Variants in FGF2 observed in about 807,000 individuals in gnomAD.
FGF2 encodes the protein fibroblast growth factor 2.
Under a neutral mutation model 15.9 loss-of-function variants are expected in FGF2, and 13 were observed. The observed-to-expected ratio is 0.82, with a 90% CI of 0.53 to 1.30. The LOEUF is 1.30. Ranked by LOEUF, FGF2 falls within the 50% of genes most tolerant of loss-of-function variation. FGF2 has a pLI of 0.00. For missense variants in FGF2, 163 were observed against 196.9 expected, an observed-to-expected ratio of 0.83 and a Z score of 1.03; for synonymous variants, 90 against 78.4, an observed-to-expected ratio of 1.15 and a Z score of -0.78.
chr4:122,855,842 T>C (rs1017049976), intron 1 of FGF2, among the ~76,000 whole-genome samples: 7 of 152,240 alleles, frequency 4.6e-5, no homozygotes, highest in African/African-American at 1.7e-4. Context: ...TGTCTTTAAA[T>C]AATCCTCTCC....
intron 1 of FGF2, among the ~76,000 whole-genome samples, chr4:122,838,671 G>A (rs1179870689): frequency 6.6e-6 from 1 of 152,150 alleles, no homozygotes; most frequent in Admixed American, 6.5e-5. Flanking sequence ...CAGAGGCTTT[G>A]CCATGTCCAG....
chr4:122,890,147 T>G (rs962421958), intron 2 of FGF2: 1 of 152,194 alleles, frequency 6.6e-6, no homozygotes, highest in African/African-American at 2.4e-5. Context: ...GATGACAGAA[T>G]AAAGTAACAG....
In FGF2 at chr4:122,876,413, T is replaced by C; in HGVS notation, c.271T>C (p.Leu91=). ...RYLAMKEDGR[L]LASKCVTDEC... is the part of the protein sequence containing the mutation. ...CCTGGCTATGAAGGAAGATGGAAGA[T>C]TACTGGCTTCTGTAAGCATACTTTC... Residue 91 remains leucine (L), a synonymous_variant, in exon 2 of 3, where the codon TTA becomes CTA. Coordinates refer to ENST00000644866, the MANE Select transcript of FGF2 (RefSeq NM_001361665.2). 6.2e-7 allele frequency: 1 copy of C among 1,603,174 alleles called. No individual in the cohort carries two copies. Among genetic ancestry groups the C allele is most frequent in the Non-Finnish European group, 8.5e-7 (1 of 1,170,100 alleles).
At chr4:122,858,926 C>T (rs866496464) in intron 1 of FGF2, among the ~76,000 whole-genome samples, 33 of 150,372 alleles carry the variant, frequency 2.2e-4, no homozygotes, top group African/African-American at 5.5e-4. Context: ...TATTGGAAAG[C>T]GAACACACTC....
chr4:122,845,727 T>TTG (rs1308565283), intron 1 of FGF2, among the ~76,000 whole-genome samples: 4 of 152,252 alleles, frequency 2.6e-5, no homozygotes, highest in African/African-American at 9.6e-5. Flanking sequence ...AGTTAGGGCC[T>TTG]TGTCTTGTAT....
intron 2 of FGF2, among the ~76,000 whole-genome samples, chr4:122,880,431 G>A (rs1726939169): frequency 1.3e-5 from 2 of 151,898 alleles, no homozygotes; most frequent in Non-Finnish European, 2.9e-5. Flanking sequence ...CATTTTTTTA[G>A]TAGAGGCAGG....
intron 2 of FGF2, among the ~76,000 whole-genome samples, chr4:122,880,590 C>G (rs1056534625): frequency 6.6e-6 from 1 of 152,162 alleles, no homozygotes; most frequent in African/African-American, 2.4e-5. Context: ...TCCTCTGACT[C>G]CATGTCTCTC....
intron 2 of FGF2, among the ~76,000 whole-genome samples, chr4:122,885,743 A>G (rs1727043306): frequency 6.6e-6 from 1 of 151,732 alleles, no homozygotes; most frequent in Non-Finnish European, 1.5e-5. Flanking sequence ...GTTTTTCCTA[A>G]TATTCTTTTT....
chr4:122,891,347 T>TATC (rs1727183017), intron 2 of FGF2, among the ~76,000 whole-genome samples: 1 of 151,980 alleles, frequency 6.6e-6, no homozygotes, highest in African/African-American at 2.4e-5. Flanking sequence ...GCCGAACATT[T>TATC]ATCTTAAATA....
chr4:122,877,615 C>T (rs1429994848), intron 2 of FGF2, among the ~76,000 whole-genome samples: 2 of 152,172 alleles, frequency 1.3e-5, no homozygotes, highest in Non-Finnish European at 2.9e-5. Flanking sequence ...TTCCTGTCTC[C>T]GTGAGGGAGT....
intron 1 of FGF2, among the ~76,000 whole-genome samples, chr4:122,831,188 C>T (rs1366071434): frequency 6.6e-6 from 1 of 152,120 alleles, no homozygotes; most frequent in East Asian, 1.9e-4. Flanking sequence ...TTTTTTTATC[C>T]TGAATGAGCT....
chr4:122,880,245 CTT>C (rs569559456), intron 2 of FGF2, among the ~76,000 whole-genome samples: 27 of 128,614 alleles, frequency 2.1e-4, no homozygotes, highest in Admixed American at 2.4e-4. Context: ...GCAGTCAAAT[CTT>C]TTTTTTTTTT....
At chr4:122,876,478 T>C in intron 2 of FGF2, 54 bp downstream of exon 2, 1 of 1,022,656 alleles carries the variant, frequency 9.8e-7, no homozygotes, top group East Asian at 2.4e-5. Flanking sequence ...TTGCTGTTAA[T>C]TTACCAGCAT....
intron 1 of FGF2, among the ~76,000 whole-genome samples, chr4:122,829,530 A>G (rs1725716343): frequency 6.6e-6 from 1 of 152,172 alleles, no homozygotes; most frequent in South Asian, 2.1e-4. Context: ...ACTCATCCAG[A>G]CTTGTGGAGA....
chr4:122,892,642 G>C lies in FGF2; in HGVS notation c.*246G>C. 3 of 1,415,826 alleles carry C rather than the reference G, an allele frequency of 2.1e-6. No individual in the cohort carries two copies. Among genetic ancestry groups the C allele is most frequent in the Non-Finnish European group, 2.8e-6 (3 of 1,083,444 alleles). The allele number at this position is 1,415,826 out of a possible 1,614,324, so 87.7% of individuals were successfully genotyped here. A position where few individuals can be genotyped will look rare whatever the true frequency, so the allele number is the denominator to read the frequency against. On this transcript the variant is annotated 3_prime_UTR_variant, in exon 3 of 3. Transcript: ENST00000644866. ...CCCAGTGAAGCTTACCTAGAGCAAT[G>C]ATCTTTTTCACGCATTTGCTTTATT...
rs190913121 is a variant in FGF2, at chr4:122,846,573, T to C, written c.178+19221T>C. On this transcript the variant is annotated intron_variant, in intron 1 of 2. Coordinates refer to ENST00000644866, the MANE Select transcript of FGF2 (RefSeq NM_001361665.2). ...AATGCACACACACCAACACAAGATA[T>C]ATACTTGTGTAGTAAATAGGAAGAC... Among the ~76,000 whole-genome samples the C allele has an allele frequency of 2.2e-4, 33 of 152,284 alleles. No homozygotes were observed. The East Asian group carries it at 5.8e-3, about 27-fold the overall frequency.
At chr4:122,836,684 G>A (rs1417074761) in intron 1 of FGF2, among the ~76,000 whole-genome samples, 2 of 152,126 alleles carry the variant, frequency 1.3e-5, no homozygotes, top group South Asian at 2.1e-4. Context: ...CCCATGAAAA[G>A]GTTCACTCTA....
rs1301006433 is a variant in FGF2, at chr4:122,827,607, G to A, written c.178+255G>A. Among the ~76,000 whole-genome samples, 1 of 152,116 alleles carries A rather than the reference G, an allele frequency of 6.6e-6. No individual in the cohort carries two copies. Among genetic ancestry groups the A allele is most frequent in the Non-Finnish European group, 1.5e-5 (1 of 68,018 alleles). On this transcript the variant is annotated intron_variant, in intron 1 of 2. Coordinates refer to ENST00000644866, the MANE Select transcript of FGF2 (RefSeq NM_001361665.2). This position sits in a 1 kb window ranked among gnomAD's most constrained non-coding sequence, Gnocchi z 4.2. The stretch of plus-strand genomic sequence containing the variant: ...TGTAAACCAGTACCCCCGGCCCGGA[G>A]CCGCGGCGCGCCGGGGCCTCGCGGA...
At chr4:122,891,273 C>G (rs1237629284) in intron 2 of FGF2, among the ~76,000 whole-genome samples, 1 of 151,890 alleles carries the variant, frequency 6.6e-6, no homozygotes, top group Non-Finnish European at 1.5e-5. Flanking sequence ...ATCTCCTGAC[C>G]TCGTGATCCG....
Sources: allele counts gnomAD v4.1 joint callset (sites outside exome capture counted in the v4.1 genomes callset), GRCh38; gene constraint gnomAD v4.1.1; non-coding constraint Gnocchi (gnomAD v3.1); transcripts MANE v1.5; gene names NCBI Gene and HGNC (gene_info 2026-07-23, HGNC 2026-07-21).